RBMS3: variants seen among roughly 807,000 people sequenced by gnomAD.
The protein encoded by RBMS3 is RNA binding motif single stranded interacting protein 3.
A neutral mutation model predicts 66.8 loss-of-function variants in RBMS3; 27 were observed. That is an observed-to-expected ratio of 0.40 (90% confidence interval 0.30 to 0.56). RBMS3 has a LOEUF of 0.56. Ranked by LOEUF, RBMS3 falls within the 20% of genes least tolerant of loss-of-function variation. The pLI is 0.40. For missense variants in RBMS3, 513 were observed against 549.5 expected (o/e 0.93, Z 0.66); for synonymous variants, 188 against 183.0 (o/e 1.03, Z -0.22).
intron 1 of RBMS3, among the ~76,000 whole-genome samples, chr3:29,407,701 C>T (rs764351878): frequency 1.3e-5 from 2 of 152,124 alleles, no homozygotes; most frequent in African/African-American, 2.4e-5. Flanking sequence ...ATTACACTTG[C>T]TTCTGTGGCT....
chr3:29,629,076 T>A (rs568069854), intron 4 of RBMS3, among the ~76,000 whole-genome samples: 1 of 152,246 alleles, frequency 6.6e-6, no homozygotes, highest in Admixed American at 6.6e-5. Flanking sequence ...ATAATGATTG[T>A]ATCTGGTTGG....
intron 3 of RBMS3, among the ~76,000 whole-genome samples, chr3:29,542,669 A>G (rs1194211641): frequency 6.6e-6 from 1 of 152,000 alleles, no homozygotes; most frequent in Non-Finnish European, 1.5e-5. Flanking sequence ...CCCATCCCCA[A>G]TTTTTAAATG....
chr3:29,710,631 T>C (rs948737696), intron 4 of RBMS3, among the ~76,000 whole-genome samples: 3 of 152,168 alleles, frequency 2.0e-5, no homozygotes, highest in Non-Finnish European at 2.9e-5. Context: ...AGTGAAAACA[T>C]AGTGTGTTAG....
At chr3:29,898,348 A>G (rs997237101) in intron 9 of RBMS3, among the ~76,000 whole-genome samples, 1 of 151,690 alleles carries the variant, frequency 6.6e-6, no homozygotes, top group Non-Finnish European at 1.5e-5. Context: ...GTGTGTATGC[A>G]TGTGCTTCTT....
chr3:29,787,462 G>T (rs2056857423), intron 6 of RBMS3, among the ~76,000 whole-genome samples: 1 of 150,124 alleles, frequency 6.7e-6, no homozygotes. Flanking sequence ...AGTAGATAAA[G>T]AAAATGTGGT....
intron 6 of RBMS3, among the ~76,000 whole-genome samples, chr3:29,782,718 G>C (rs1399896514): frequency 1.3e-5 from 2 of 152,134 alleles, no homozygotes; most frequent in African/African-American, 4.8e-5. Context: ...TCAGAAGGTT[G>C]ATTATTAAGC....
chr3:29,743,743 T>A, intron 5 of RBMS3, among the ~76,000 whole-genome samples: 1 of 151,848 alleles, frequency 6.6e-6, no homozygotes, highest in East Asian at 1.9e-4. Flanking sequence ...TTTTTTTTTT[T>A]TAAATTTTAT....
chr3:29,899,288 T>G (rs1170938864), intron 9 of RBMS3, among the ~76,000 whole-genome samples: 1 of 151,758 alleles, frequency 6.6e-6, no homozygotes, highest in Non-Finnish European at 1.5e-5. Flanking sequence ...ATGGGATCAC[T>G]TGAGCATTTG....
chr3:29,473,482 G>C (rs984473047), intron 2 of RBMS3, among the ~76,000 whole-genome samples: 2 of 152,226 alleles, frequency 1.3e-5, no homozygotes, highest in African/African-American at 4.8e-5. Flanking sequence ...GGAGCTGCCT[G>C]CCAGTCCCGC....
chr3:29,551,112 A>T (rs928302886), intron 3 of RBMS3, among the ~76,000 whole-genome samples: 1 of 152,244 alleles, frequency 6.6e-6, no homozygotes, highest in Non-Finnish European at 1.5e-5. Flanking sequence ...GATGAAATTT[A>T]AGCCTTGATG....
intron 1 of RBMS3, among the ~76,000 whole-genome samples, chr3:29,297,684 G>T (rs564469940): frequency 6.6e-6 from 1 of 151,858 alleles, no homozygotes; most frequent in East Asian, 2.0e-4. Flanking sequence ...AAGTTGTCTG[G>T]TTCTTACATT....
chr3:29,632,980 G>A (rs575617674), intron 4 of RBMS3, among the ~76,000 whole-genome samples: 2 of 151,790 alleles, frequency 1.3e-5, no homozygotes, highest in African/African-American at 4.8e-5. Flanking sequence ...ATTTTATAAA[G>A]ATCTCTAAGC....
intron 1 of RBMS3, among the ~76,000 whole-genome samples, chr3:29,302,091 C>G (rs566175249): frequency 1.8e-4 from 28 of 152,074 alleles, no homozygotes; most frequent in African/African-American, 6.3e-4. Flanking sequence ...CTCACTGCAG[C>G]CTTGAGCTTC....
chr3:29,528,334 A>AGTG (rs1318375525), intron 3 of RBMS3, among the ~76,000 whole-genome samples: 4 of 151,982 alleles, frequency 2.6e-5, no homozygotes, highest in Admixed American at 6.6e-5. Flanking sequence ...GCTGGTCTCA[A>AGTG]ACTCCTGACC....
At chr3:29,667,632 C>T (rs1243527997) in intron 4 of RBMS3, among the ~76,000 whole-genome samples, 1 of 152,030 alleles carries the variant, frequency 6.6e-6, no homozygotes, top group Admixed American at 6.6e-5. Context: ...AGAAATTATC[C>T]TGAAGATTAC....
intron 1 of RBMS3, among the ~76,000 whole-genome samples, chr3:29,390,455 G>T (rs2039237640): frequency 6.6e-6 from 1 of 152,032 alleles, no homozygotes; most frequent in South Asian, 2.1e-4. Context: ...AGATGCTTTT[G>T]ATTATAATAT....
At chr3:29,647,466 G>T (rs1576432780) in intron 4 of RBMS3, among the ~76,000 whole-genome samples, 1 of 152,134 alleles carries the variant, frequency 6.6e-6, no homozygotes, top group East Asian at 1.9e-4. Flanking sequence ...ACATTTACAT[G>T]GCAGATGCCT....
chr3:29,599,729 C>T (rs982247659), intron 4 of RBMS3, among the ~76,000 whole-genome samples: 4 of 151,922 alleles, frequency 2.6e-5, no homozygotes, highest in African/African-American at 9.7e-5. Context: ...CCTAGCTCTT[C>T]GTATATATTC....
chr3:29,868,988 G>C (rs2059425122), intron 7 of RBMS3, 24 bp downstream of exon 7: 2 of 1,548,550 alleles, frequency 1.3e-6, no homozygotes, highest in South Asian at 1.2e-5. Flanking sequence ...GATAACATTT[G>C]CTCTGAAATT....
Sources: allele counts gnomAD v4.1 joint callset (sites outside exome capture counted in the v4.1 genomes callset), GRCh38; gene constraint gnomAD v4.1.1; transcripts MANE v1.5; gene names NCBI Gene and HGNC (gene_info 2026-07-23, HGNC 2026-07-21).